GPHN: variants seen among roughly 807,000 people sequenced by gnomAD.
The protein encoded by GPHN is gephyrin.
Under a neutral mutation model 95.5 loss-of-function variants are expected in GPHN, and 17 were observed. The ratio of observed to expected loss-of-function variants is 0.18; its 90% confidence interval spans 0.12 to 0.27. The LOEUF (loss-of-function observed/expected upper bound fraction) is 0.27. Ranked by LOEUF, GPHN falls within the 10% of genes least tolerant of loss-of-function variation. GPHN has a pLI of 1.00. For synonymous variants in GPHN, 320 were observed against 322.5 expected (o/e 0.99, Z 0.08); for missense variants, 660 against 978.1 (o/e 0.67, Z 4.34).
intron 10 of GPHN, among the ~76,000 whole-genome samples, chr14:67,047,338 G>GTT (rs2075077508): frequency 7.3e-6 from 1 of 136,376 alleles, no homozygotes; most frequent in Non-Finnish European, 1.6e-5. Context: ...GTGTGTTTGT[G>GTT]TGTGTGTGTG....
chr14:66,622,288 A>G (rs2063342109), intron 1 of GPHN, among the ~76,000 whole-genome samples: 1 of 151,792 alleles, frequency 6.6e-6, no homozygotes, highest in African/African-American at 2.4e-5. Flanking sequence ...GCAGGGCACC[A>G]CCTTTCTGGA....
the GPHN span, chr14:67,573,208 G>C: frequency 1.1e-6 from 1 of 951,110 alleles, no homozygotes; most frequent in South Asian, 1.3e-5. This position sits in a 1 kb window ranked among gnomAD's most constrained non-coding sequence, Gnocchi z 4.8. Context: ...GGACCACTTG[G>C]ACCTGTGTGA....
intron 1 of GPHN, among the ~76,000 whole-genome samples, chr14:66,553,349 T>G (rs909219510): frequency 1.3e-5 from 2 of 152,128 alleles, no homozygotes; most frequent in Non-Finnish European, 2.9e-5. Context: ...AGTCACTATT[T>G]TTAAAATATT....
chr14:67,726,402 G>A, the GPHN span, among the ~76,000 whole-genome samples: 1 of 152,212 alleles, frequency 6.6e-6, no homozygotes, highest in Non-Finnish European at 1.5e-5. Context: ...TGTCATTCTT[G>A]GATGGGGCAG....
At chr14:67,101,036 G>C in intron 13 of GPHN, 125 bp downstream of exon 13, 1 of 708,436 alleles carries the variant, frequency 1.4e-6, no homozygotes, top group Non-Finnish European at 2.6e-6. Flanking sequence ...ATTATCAAAG[G>C]GATGAAAGTA....
intron 1 of GPHN, among the ~76,000 whole-genome samples, chr14:66,537,931 G>T (rs545521143): frequency 6.6e-6 from 1 of 152,054 alleles, no homozygotes; most frequent in East Asian, 1.9e-4. Context: ...AGGCTCGAGC[G>T]ATCCTCCTAC....
intron 1 of GPHN, among the ~76,000 whole-genome samples, chr14:66,559,612 T>A (rs2060147280): frequency 6.6e-6 from 1 of 152,002 alleles, no homozygotes; most frequent in South Asian, 2.1e-4. Context: ...TAAATTTGTT[T>A]GAGTTCATTG....
intron 4 of GPHN, among the ~76,000 whole-genome samples, chr14:66,869,723 A>C (rs2063359333): frequency 6.6e-6 from 1 of 152,238 alleles, no homozygotes; most frequent in African/African-American, 2.4e-5. Context: ...AAGTAGAAGC[A>C]TAGAAAGAGC....
chr14:67,193,355 G>T, the GPHN span, among the ~76,000 whole-genome samples: 6 of 127,842 alleles, frequency 4.7e-5, no homozygotes, highest in Non-Finnish European at 6.8e-5. Flanking sequence ...TCTATATAGA[G>T]ATATATAATC....
chr14:66,869,812 G>C (rs552533765), intron 4 of GPHN, among the ~76,000 whole-genome samples: 17 of 152,236 alleles, frequency 1.1e-4, no homozygotes, highest in Non-Finnish European at 2.2e-4. Flanking sequence ...ATGTAGGTAT[G>C]TTTTATTATT....
At chr14:67,562,708 T>A in the GPHN span, 1 of 1,613,050 alleles carries the variant, frequency 6.2e-7, no homozygotes, top group Non-Finnish European at 8.5e-7. Flanking sequence ...TCCACCCCTC[T>A]GGCCTTCCTG....
intron 1 of GPHN, among the ~76,000 whole-genome samples, chr14:66,542,709 T>G (rs565062600): frequency 1.4e-4 from 22 of 152,296 alleles, no homozygotes; most frequent in Non-Finnish European, 2.6e-4. Context: ...ACTACTTCCC[T>G]TACCAGATAA....
the GPHN span, among the ~76,000 whole-genome samples, chr14:67,269,171 G>A: frequency 6.6e-6 from 1 of 151,928 alleles, no homozygotes; most frequent in Non-Finnish European, 1.5e-5. Context: ...CTGTTTGTAG[G>A]GTTAATCTAT....
chr14:67,306,876 T>C, the GPHN span, among the ~76,000 whole-genome samples: 24 of 152,288 alleles, frequency 1.6e-4, no homozygotes, highest in South Asian at 4.1e-4. Context: ...TTAGAACCAA[T>C]TTATTGAGTA....
intron 5 of GPHN, 133 bp downstream of exon 5, chr14:66,880,166 A>G: frequency 1.4e-6 from 1 of 694,104 alleles, no homozygotes; most frequent in Non-Finnish European, 2.6e-6. Context: ...AGCTTATACT[A>G]ATCACTTAAT....
the GPHN span, among the ~76,000 whole-genome samples, chr14:67,268,685 A>T: frequency 6.6e-6 from 1 of 152,210 alleles, no homozygotes; most frequent in Non-Finnish European, 1.5e-5. Flanking sequence ...TAATTAGCAT[A>T]TAGTGAGCAG....
the GPHN span, among the ~76,000 whole-genome samples, chr14:67,654,423 G>C: frequency 2.6e-5 from 4 of 152,276 alleles, no homozygotes; most frequent in African/African-American, 7.2e-5. Flanking sequence ...AATTACAGGT[G>C]TAAGCCCGGC....
chr14:67,097,119 C>T (rs956269909), intron 12 of GPHN, among the ~76,000 whole-genome samples: 1 of 152,020 alleles, frequency 6.6e-6, no homozygotes, highest in African/African-American at 2.4e-5. Flanking sequence ...CAGCAAGTGC[C>T]AGGGATTAGC....
chr14:67,168,880 T>C (rs970446758), intron 20 of GPHN, 53 bp from the exon 21 acceptor site: 3 of 1,127,852 alleles, frequency 2.7e-6, no homozygotes, highest in South Asian at 2.5e-5. Context: ...GACATAATTA[T>C]TTGGCAAATT....
Sources: allele counts gnomAD v4.1 joint callset (sites outside exome capture counted in the v4.1 genomes callset), GRCh38; gene constraint gnomAD v4.1.1; non-coding constraint Gnocchi (gnomAD v3.1); transcripts MANE v1.5; gene names NCBI Gene and HGNC (gene_info 2026-07-23, HGNC 2026-07-21).